Variants in CSMD1 observed in about 807,000 individuals in gnomAD.
The protein encoded by CSMD1 is CUB and sushi domain-containing protein 1.
Under a neutral mutation model 417.5 loss-of-function variants are expected in CSMD1, and 213 were observed. The ratio of observed to expected loss-of-function variants is 0.51; its 90% CI spans 0.46 to 0.57. The LOEUF is 0.57. Ranked by LOEUF, CSMD1 falls within the 20% of genes least tolerant of loss-of-function variation. CSMD1 has a pLI of 0.00. For synonymous variants in CSMD1, 2,862 were observed against 1,736.8 expected, an observed-to-expected ratio of 1.65 and a Z score of -16.11; for missense variants, 6,923 against 4,529.7, an observed-to-expected ratio of 1.53 and a Z score of -15.17.
At chr8:4,372,091 T>C (rs562717451) in intron 3 of CSMD1, among the ~76,000 whole-genome samples, 1 of 152,234 alleles carries the variant, frequency 6.6e-6, no homozygotes, top group Non-Finnish European at 1.5e-5. Context: ...AGAAAAGCCC[T>C]TTCTATCTCA....
At chr8:3,478,599 G>T (rs546449670) in intron 11 of CSMD1, among the ~76,000 whole-genome samples, 1 of 152,106 alleles carries the variant, frequency 6.6e-6, no homozygotes, top group Non-Finnish European at 1.5e-5. Context: ...ACAAACAGAA[G>T]GCCACTCCGA....
chr8:3,810,667 C>G (rs1341643857), intron 5 of CSMD1, among the ~76,000 whole-genome samples: 1 of 152,150 alleles, frequency 6.6e-6, no homozygotes, highest in African/African-American at 2.4e-5. Flanking sequence ...GAGAAAGTAG[C>G]TTTTCTGGGA....
chr8:4,536,156 CAGTA>C (rs1218379116), intron 2 of CSMD1, among the ~76,000 whole-genome samples: 1 of 152,132 alleles, frequency 6.6e-6, no homozygotes, highest in Non-Finnish European at 1.5e-5. Flanking sequence ...AACCGCAACT[CAGTA>C]AGTAAGGAGA....
chr8:4,402,121 C>T (rs547048327), intron 3 of CSMD1, among the ~76,000 whole-genome samples: 1 of 152,102 alleles, frequency 6.6e-6, no homozygotes, highest in East Asian at 1.9e-4. Context: ...GTCTTCCATT[C>T]TCTTTCATTA....
At chr8:4,417,743 C>A (rs990940556) in intron 3 of CSMD1, among the ~76,000 whole-genome samples, 1 of 152,012 alleles carries the variant, frequency 6.6e-6, no homozygotes, top group South Asian at 2.1e-4. Flanking sequence ...GACTCTAAAT[C>A]AACTTGAAAC....
intron 1 of CSMD1, among the ~76,000 whole-genome samples, chr8:4,814,531 G>C (rs1287050629): frequency 6.6e-6 from 1 of 152,148 alleles, no homozygotes; most frequent in Non-Finnish European, 1.5e-5. Flanking sequence ...ACAGGTATGA[G>C]GTAATAATAA....
Position 3,196,921 on chromosome 8 carries a change from G to A in CSMD1, c.5194+2793C>T, listed in dbSNP as rs779688001. ...GGCTCACCATGGATACATCCATGCT[G>A]AAGGGTTATCCCTTTCTGAAGGGTC... On this transcript the variant is annotated intron_variant, in intron 33 of 69. Transcript: ENST00000635120. 2.6e-5 allele frequency among the ~76,000 whole-genome samples: 4 copies of A among 152,166 alleles called. No individual in the cohort carries two copies. In the East Asian group the frequency reaches 7.7e-4, roughly 29 times the overall value.
intron 3 of CSMD1, among the ~76,000 whole-genome samples, chr8:4,084,438 C>T (rs766347389): frequency 2.6e-5 from 4 of 152,120 alleles, no homozygotes; most frequent in African/African-American, 4.8e-5. Context: ...CATTTCCACC[C>T]TTTACATGAT....
At chr8:4,440,919 C>G (rs1478910033) in intron 2 of CSMD1, among the ~76,000 whole-genome samples, 1 of 151,316 alleles carries the variant, frequency 6.6e-6, no homozygotes, top group Non-Finnish European at 1.5e-5. Flanking sequence ...ATCACTTGAA[C>G]CCGGGAGGCG....
intron 5 of CSMD1, among the ~76,000 whole-genome samples, chr8:3,837,876 A>C (rs1282063580): frequency 6.6e-6 from 1 of 152,126 alleles, no homozygotes. Context: ...TCACAGGACT[A>C]GTTTTCATTT....
chr8:3,867,180 C>T (rs932335726), intron 5 of CSMD1, among the ~76,000 whole-genome samples: 8 of 152,106 alleles, frequency 5.3e-5, no homozygotes, highest in Admixed American at 2.0e-4. Flanking sequence ...GGTCTTTGGT[C>T]TTGTCAATTG....
At chr8:4,211,499 T>C (rs1800309486) in intron 3 of CSMD1, among the ~76,000 whole-genome samples, 1 of 152,218 alleles carries the variant, frequency 6.6e-6, no homozygotes. Context: ...ACTGGGTGTT[T>C]GAATGTATTT....
chr8:3,799,176 T>A (rs1800323476), intron 5 of CSMD1, among the ~76,000 whole-genome samples: 1 of 152,146 alleles, frequency 6.6e-6, no homozygotes, highest in Admixed American at 6.6e-5. Context: ...TTTATTTGAC[T>A]ATCATAAGAA....
intron 1 of CSMD1, among the ~76,000 whole-genome samples, chr8:4,738,242 C>G (rs1470564377): frequency 6.6e-6 from 1 of 152,166 alleles, no homozygotes; most frequent in Non-Finnish European, 1.5e-5. Flanking sequence ...ATTTATCCAT[C>G]TGTATTAGTT....
chr8:3,958,805 G>T (rs748130191), intron 5 of CSMD1, among the ~76,000 whole-genome samples: 1 of 152,202 alleles, frequency 6.6e-6, no homozygotes, highest in Non-Finnish European at 1.5e-5. Context: ...CTTTATCTAT[G>T]ATACACATCA....
At chr8:3,643,258 G>A (rs541175946) in intron 7 of CSMD1, among the ~76,000 whole-genome samples, 1 of 151,990 alleles carries the variant, frequency 6.6e-6, no homozygotes, top group Non-Finnish European at 1.5e-5. Context: ...ACAAAGAGAA[G>A]ATTCCAAAAG....
rs1463628298 is a variant in CSMD1 at position 3,352,996 on chromosome 8, A to G, written c.3305-4835T>C. Among the ~76,000 whole-genome samples, 4 of 152,224 alleles carry G rather than the reference A, an allele frequency of 2.6e-5. No individual in the cohort carries two copies. The East Asian group carries it at 5.8e-4, about 22-fold the overall frequency. ...CTGAGGCACAATGACACTAATTAAC[A>G]TGCTCAAGATCACACAGGTGTGAGA... is the stretch of plus-strand genomic sequence containing the variant. On this transcript the variant is annotated intron_variant, in intron 21 of 69. Coordinates refer to ENST00000635120, the MANE Select transcript of CSMD1 (RefSeq NM_033225.6).
At chr8:4,272,695 A>G (rs1024236310) in intron 3 of CSMD1, among the ~76,000 whole-genome samples, 1 of 152,184 alleles carries the variant, frequency 6.6e-6, no homozygotes, top group African/African-American at 2.4e-5. Flanking sequence ...TATATTTGGA[A>G]GACTGTACAT....
At chr8:3,850,851 C>A (rs1803856135) in intron 5 of CSMD1, among the ~76,000 whole-genome samples, 1 of 152,132 alleles carries the variant, frequency 6.6e-6, no homozygotes, top group South Asian at 2.1e-4. Flanking sequence ...GATAGATACT[C>A]TACAGACTCA....
Sources: gnomAD v4.1 joint callset for allele counts (sites outside exome capture counted in the v4.1 genomes callset) on GRCh38, gnomAD v4.1.1 for gene constraint, MANE v1.5 for transcripts, NCBI Gene and HGNC (gene_info 2026-07-23, HGNC 2026-07-21) for gene names.